The following GIGYF2 variants were observed in gnomAD, a reference collection of about 807,000 sequenced individuals.
GIGYF2 encodes the protein GRB10 interacting GYF protein 2.
In GIGYF2, 25 loss-of-function variants were observed where a neutral mutation model predicts 208.1. The observed-to-expected ratio is 0.12, with a 90% CI of 0.09 to 0.17. GIGYF2 has a LOEUF of 0.17. GIGYF2 is among the 10% of genes least tolerant of loss of function. The pLI, the probability that GIGYF2 is intolerant of heterozygous loss-of-function variation, is 1.00. For synonymous variants in GIGYF2, 534 were observed against 543.8 expected (o/e 0.98, Z 0.25); for missense variants, 1,302 against 1,579.4 (o/e 0.82, Z 2.98).
At chr2:232,799,038 T>C (rs1203287979) in intron 14 of GIGYF2, among the ~76,000 whole-genome samples, 1 of 151,904 alleles carries the variant, frequency 6.6e-6, no homozygotes, top group East Asian at 1.9e-4. Flanking sequence ...GAGCACCTCA[T>C]GTAAGTGGAA....
intron 3 of GIGYF2, among the ~76,000 whole-genome samples, chr2:232,742,311 CG>C (rs1697996953): frequency 6.6e-6 from 1 of 152,114 alleles, no homozygotes; most frequent in South Asian, 2.1e-4. Flanking sequence ...GAGACTGAGG[CG>C]GGTGGATCAC....
intron 27 of GIGYF2, among the ~76,000 whole-genome samples, chr2:232,848,700 T>C (rs1462624909): frequency 6.6e-6 from 1 of 152,090 alleles, no homozygotes. Flanking sequence ...TGGCACTAAA[T>C]AGACCACAAA....
At chr2:232,825,968 C>G (rs1701234647) in intron 21 of GIGYF2, among the ~76,000 whole-genome samples, 1 of 149,408 alleles carries the variant, frequency 6.7e-6, no homozygotes, top group African/African-American at 2.5e-5. Flanking sequence ...GGTTTTCTGT[C>G]CTTGTGGTAG....
rs900657145 is a variant in GIGYF2 at position 232,808,926 on chromosome 2, C to T, written c.1807-794C>T. Among the ~76,000 whole-genome samples, 8 of 152,156 alleles carry T rather than the reference C, an allele frequency of 5.3e-5. No individual in the cohort carries two copies. In the South Asian group the frequency reaches 1.7e-3, roughly 32 times the overall value. On this transcript the variant is annotated intron_variant, in intron 15 of 28. Transcript: ENST00000373563. Reference sequence around the variant, plus strand: ...ATAGTTATCAAAGTTTATATACATACATATACATATATACATACATATATA... The same window carrying T: ...ATAGTTATCAAAGTTTATATACATATATATACATATATACATACATATATA...
At chr2:232,718,942 A>G (rs1002051575) in intron 2 of GIGYF2, 1 of 150,836 alleles carries the variant, frequency 6.6e-6, no homozygotes, top group South Asian at 2.1e-4. Context: ...AAATTTTGCC[A>G]TATTTTTTCT....
intron 5 of GIGYF2, among the ~76,000 whole-genome samples, chr2:232,752,164 T>A (rs1195974747): frequency 6.6e-6 from 1 of 152,190 alleles, no homozygotes; most frequent in Non-Finnish European, 1.5e-5. Flanking sequence ...TTACCAAATA[T>A]GTTGGAATAG....
chr2:232,760,457 T>C, intron 6 of GIGYF2, 23 bp from the exon 7 acceptor site: 3 of 1,485,306 alleles, frequency 2.0e-6, no homozygotes, highest in Non-Finnish European at 1.9e-6. Context: ...GACTATCATT[T>C]TTTTCTGTTT....
intron 28 of GIGYF2, among the ~76,000 whole-genome samples, chr2:232,853,025 G>T (rs1209434889): frequency 6.6e-5 from 10 of 152,120 alleles, no homozygotes; most frequent in Non-Finnish European, 1.5e-4. Flanking sequence ...AAAGTATTGA[G>T]GATACTCACT....
intron 3 of GIGYF2, 178 bp downstream of exon 3, chr2:232,735,416 T>C (rs1228296118): frequency 9.6e-6 from 5 of 521,314 alleles, no homozygotes; most frequent in Non-Finnish European, 1.7e-5. Flanking sequence ...GAGTGTATTC[T>C]ATACTTAATT....
At position 232,856,917 on chromosome 2, in the gene GIGYF2, C is replaced by A; in HGVS notation, c.*57C>A. On this transcript the variant is annotated 3_prime_UTR_variant, in exon 29 of 29. Coordinates refer to ENST00000373563, the MANE Select transcript of GIGYF2 (RefSeq NM_001103146.3). ...TGTCTGCCGACTATGGAGTCTCCACCTTTGGACACAACACTTACTCACCAT... is the reference window on the plus strand; with the variant it reads ...TGTCTGCCGACTATGGAGTCTCCACATTTGGACACAACACTTACTCACCAT... 1 of 1,103,376 alleles carries A rather than the reference C, an allele frequency of 9.1e-7. No individual in the cohort carries two copies. Among genetic ancestry groups the A allele is most frequent in the South Asian group, 1.2e-5 (1 of 81,020 alleles). The allele number at this position is 1,103,376 out of a possible 1,614,324, so 68.3% of individuals were successfully genotyped here.
intron 5 of GIGYF2, among the ~76,000 whole-genome samples, chr2:232,753,101 T>TATG (rs1698395632): frequency 9.2e-6 from 1 of 108,520 alleles, no homozygotes; most frequent in Non-Finnish European, 1.8e-5. Context: ...TTGACAGTAT[T>TATG]TATTTATTTA....
At chr2:232,779,258 A>G (rs1699630381) in intron 8 of GIGYF2, among the ~76,000 whole-genome samples, 1 of 152,212 alleles carries the variant, frequency 6.6e-6, no homozygotes, top group South Asian at 2.1e-4. Flanking sequence ...ACCTGTTCAT[A>G]GATTGATGGA....
chr2:232,748,924 T>G (rs1220122265), intron 4 of GIGYF2, 63 bp from the exon 5 acceptor site: 3 of 809,726 alleles, frequency 3.7e-6, no homozygotes, highest in Non-Finnish European at 6.7e-6. Flanking sequence ...GGATTTATCT[T>G]CTTGTATTTC....
At chr2:232,708,641 C>T (rs1435188739) in intron 2 of GIGYF2, among the ~76,000 whole-genome samples, 1 of 148,712 alleles carries the variant, frequency 6.7e-6, no homozygotes, top group East Asian at 2.0e-4. Flanking sequence ...TGGAGACCAG[C>T]CTGGGCAACA....
Position 232,806,630 on chromosome 2 carries a change from T to G in GIGYF2, c.1779T>G (p.Ser593=). The G allele has an allele frequency of 6.2e-7, 1 of 1,613,214 alleles. No homozygotes were observed. Among genetic ancestry groups the G allele is most frequent in the Non-Finnish European group, 8.5e-7 (1 of 1,179,166 alleles). The change falls in exon 15 of 29, where the codon TCT becomes TCG. Residue 593 remains serine (S), a synonymous_variant. Transcript: ENST00000373563. This position sits in a 1 kb window ranked among gnomAD's most constrained non-coding sequence, Gnocchi z 4.0. ...IMKMWGRVPF[S]PGPAPPPHMG... ...AAATGTGGGGAAGGGTTCCCTTTTC[T>G]CCAGGTCCAGCTCCCCCTCCTCATA...
intron 2 of GIGYF2, among the ~76,000 whole-genome samples, chr2:232,721,446 T>A (rs1696939181): frequency 6.6e-6 from 1 of 152,220 alleles, no homozygotes; most frequent in Non-Finnish European, 1.5e-5. Flanking sequence ...AATCTTACCT[T>A]TCCTTTAGCC....
intron 22 of GIGYF2, among the ~76,000 whole-genome samples, chr2:232,833,918 G>A (rs1224594748): frequency 6.6e-6 from 1 of 151,812 alleles, no homozygotes; most frequent in Admixed American, 6.6e-5. Context: ...GTAAATACTG[G>A]GAGCCTAGTA....
chr2:232,852,345 A>C (rs1467687891), intron 28 of GIGYF2, among the ~76,000 whole-genome samples: 2 of 152,126 alleles, frequency 1.3e-5, no homozygotes, highest in Admixed American at 6.5e-5. Flanking sequence ...CAGGAGTTGG[A>C]GACCAGCCTG....
intron 8 of GIGYF2, among the ~76,000 whole-genome samples, chr2:232,762,126 A>G (rs1281438663): frequency 6.6e-6 from 1 of 151,718 alleles, no homozygotes; most frequent in East Asian, 1.9e-4. Flanking sequence ...AATTCATGGT[A>G]CCATGAATTG....
Sources: allele counts gnomAD v4.1 joint callset (sites outside exome capture counted in the v4.1 genomes callset), GRCh38; gene constraint gnomAD v4.1.1; non-coding constraint Gnocchi (gnomAD v3.1); transcripts MANE v1.5; gene names NCBI Gene and HGNC (gene_info 2026-07-23, HGNC 2026-07-21).